Variants in GK5 observed in about 807,000 individuals in gnomAD.
The protein encoded by GK5 is glycerol kinase 5, also known as ATP:glycerol 3-phosphotransferase 5.
Under a neutral mutation model 77.3 loss-of-function variants are expected in GK5, and 39 were observed. The observed-to-expected ratio is 0.50, with a 90% CI of 0.39 to 0.66. The LOEUF is 0.66. Among genes scored for constraint, GK5 ranks in the 30% least tolerant of loss-of-function variants. The pLI, the probability that GK5 is intolerant of heterozygous loss-of-function variation, is 0.00. For synonymous variants in GK5, 211 were observed against 208.0 expected (o/e 1.01, Z -0.13); for missense variants, 487 against 633.8 (o/e 0.77, Z 2.49).
At chr3:142,166,932 T>G (rs2063478839) in intron 15 of GK5, among the ~76,000 whole-genome samples, 1 of 152,238 alleles carries the variant, frequency 6.6e-6, no homozygotes, top group African/African-American at 2.4e-5. Context: ...CTATCACACC[T>G]CTTTTGAAGT....
At chr3:142,186,939 G>A in intron 6 of GK5, among the ~76,000 whole-genome samples, 1 of 152,072 alleles carries the variant, frequency 6.6e-6, no homozygotes, top group Non-Finnish European at 1.5e-5. Flanking sequence ...CCCAAAATGT[G>A]TATTTTCAAT....
intron 6 of GK5, among the ~76,000 whole-genome samples, chr3:142,186,820 G>A (rs747956932): frequency 2.9e-4 from 44 of 151,730 alleles, no homozygotes; most frequent in Non-Finnish European, 5.2e-4. Context: ...TAGTAGAGAC[G>A]GGGTTTCTCC....
intron 9 of GK5, chr3:142,185,187 A>G (rs2063752125): frequency 6.2e-6 from 5 of 804,744 alleles, no homozygotes; most frequent in Non-Finnish European, 6.0e-6. Context: ...CAAAGGTGGC[A>G]GAAGGCCCCA....
At chr3:142,187,281 A>C (rs1279369538) in intron 6 of GK5, among the ~76,000 whole-genome samples, 4 of 151,758 alleles carry the variant, frequency 2.6e-5, no homozygotes, top group Non-Finnish European at 5.9e-5. Context: ...AAAGAGCAGT[A>C]TGTCTGGAGT....
chr3:142,197,938 G>A (rs1190591840), intron 5 of GK5, among the ~76,000 whole-genome samples: 9 of 151,218 alleles, frequency 6.0e-5, no homozygotes, highest in African/African-American at 2.2e-4. Context: ...CAGGAGAATC[G>A]CTTGAACCTG....
At position 142,217,741 on chromosome 3, in the gene GK5, CA is replaced by C. The variant is rs2064291887; in HGVS notation, c.148-2050del. ...TAATTAAAATGCTGAAAACTAAAAG[CA>C]AAAAGTTTGAAACCAGACATTTCAC... On this transcript the variant is annotated intron_variant, in intron 1 of 15. Transcript: ENST00000392993. Among the ~76,000 whole-genome samples the C allele has an allele frequency of 1.3e-5, 2 of 152,022 alleles. 1 individual carries two copies. Among genetic ancestry groups the C allele is most frequent in the South Asian group, 4.1e-4 (2 of 4,826 alleles).
chr3:142,202,613 T>G (rs925877187), intron 4 of GK5, among the ~76,000 whole-genome samples: 2 of 152,216 alleles, frequency 1.3e-5, no homozygotes, highest in African/African-American at 4.8e-5. Flanking sequence ...TAGACAAAAG[T>G]GCTTTAAATG....
intron 3 of GK5, among the ~76,000 whole-genome samples, chr3:142,211,993 A>C (rs999007385): frequency 6.6e-6 from 1 of 152,194 alleles, no homozygotes; most frequent in Non-Finnish European, 1.5e-5. Flanking sequence ...TCTATCATAC[A>C]GCCCAAACAT....
intron 14 of GK5, among the ~76,000 whole-genome samples, 175 bp from the exon 15 acceptor site, chr3:142,170,633 T>G (rs73872586): frequency 0.06 from 9,167 of 152,214 alleles, 929 homozygotes; most frequent in African/African-American, 0.21. Flanking sequence ...TGGGTAATCT[T>G]TAAACATTTT....
At chr3:142,219,465 A>C (rs1303004361) in intron 1 of GK5, among the ~76,000 whole-genome samples, 5 of 152,234 alleles carry the variant, frequency 3.3e-5, no homozygotes, top group Admixed American at 1.3e-4. Context: ...AAAAAAATCC[A>C]GTCTCAAAAG....
intron 3 of GK5, among the ~76,000 whole-genome samples, chr3:142,205,045 T>C (rs2107791844): frequency 6.6e-6 from 1 of 152,356 alleles, no homozygotes. Context: ...AGACCTGCTC[T>C]ACACACTTTA....
chr3:142,221,206 A>C (rs1318277415), intron 1 of GK5, among the ~76,000 whole-genome samples: 1 of 152,222 alleles, frequency 6.6e-6, no homozygotes, highest in Admixed American at 6.5e-5. Context: ...CTTATTCCCC[A>C]GTGAGCTCAT....
intron 1 of GK5, among the ~76,000 whole-genome samples, chr3:142,217,244 G>A (rs1268412598): frequency 2.0e-5 from 3 of 152,066 alleles, no homozygotes; most frequent in Non-Finnish European, 4.4e-5. Context: ...ATTTAACTAC[G>A]TATGTGTATA....
chr3:142,176,128 C>A (rs1184928631), intron 12 of GK5, among the ~76,000 whole-genome samples: 1 of 151,946 alleles, frequency 6.6e-6, no homozygotes, highest in African/African-American at 2.4e-5. Flanking sequence ...GCAATGGAAT[C>A]AATTCACAAG....
rs748129972 is a variant in GK5, at chr3:142,159,853, C to CT, written c.*5768dup. The CT allele has an allele frequency of 0.14, 15,199 of 106,002 alleles. 1,353 individuals are homozygous for CT. The highest frequency in any genetic ancestry group is 0.18 in the Non-Finnish European group (9,384 of 53,026). 6.6% of individuals were successfully genotyped at this position (106,002 alleles called of 1,614,324 possible). ...TTTCTCTCTCTCTCTCTCTCTCTCTCTTTTTTTTTTTTGAGACAGAGTCTC... is the reference window on the plus strand; with the variant it reads ...TTTCTCTCTCTCTCTCTCTCTCTCTCTTTTTTTTTTTTTGAGACAGAGTCTC... On this transcript the variant is annotated 3_prime_UTR_variant, in exon 16 of 16. Coordinates refer to ENST00000392993, the MANE Select transcript of GK5 (RefSeq NM_001039547.3).
intron 6 of GK5, among the ~76,000 whole-genome samples, chr3:142,186,789 C>T (rs1355937479): frequency 6.6e-6 from 1 of 152,056 alleles, no homozygotes; most frequent in African/African-American, 2.4e-5. Context: ...TGCCACCACA[C>T]CCAGCTAATT....
chr3:142,213,086 G>A (rs6440071), intron 3 of GK5, among the ~76,000 whole-genome samples: 61,843 of 151,618 alleles, frequency 0.41, 13,389 homozygotes, highest in Admixed American at 0.48. Flanking sequence ...CGCCCACCTC[G>A]GCCTCCCAAA....
intron 14 of GK5, 103 bp from the exon 15 acceptor site, chr3:142,170,561 A>G (rs13088625): frequency 0.02 from 19,578 of 969,540 alleles, 268 homozygotes; most frequent in Middle Eastern, 0.05. Flanking sequence ...TATTTTATAA[A>G]TTTTACTTTT....
rs1222937180 is a variant in GK5, at chr3:142,186,176, T to A, written c.755+18A>T. The A allele has an allele frequency of 2.0e-6, 3 of 1,468,328 alleles. No individual in the cohort carries two copies. The highest frequency in any genetic ancestry group is 2.9e-6 in the Non-Finnish European group (3 of 1,049,518). The allele number at this position is 1,468,328 out of a possible 1,614,324, so 91.0% of individuals were successfully genotyped here. On this transcript the variant is annotated intron_variant, in intron 8 of 15. Coordinates refer to ENST00000392993, the MANE Select transcript of GK5 (RefSeq NM_001039547.3). ...AAGAACCATTGTGCTGGTTACTATG[T>A]CTGATGTTTATTATTACCTTGTGTC...
Sources: gnomAD v4.1 joint callset for allele counts (sites outside exome capture counted in the v4.1 genomes callset) on GRCh38, gnomAD v4.1.1 for gene constraint, MANE v1.5 for transcripts, NCBI Gene and HGNC (gene_info 2026-07-23, HGNC 2026-07-21) for gene names.